The following NALF1 variants were observed in gnomAD, a reference collection of about 807,000 sequenced individuals.
NALF1 encodes the protein NALCN channel auxiliary factor 1, also known as family with sequence similarity 155 member A.
In NALF1, 3 loss-of-function variants were observed where a neutral mutation model predicts 48.4. The ratio of observed to expected loss-of-function variants is 0.06; its 90% confidence interval spans 0.03 to 0.16. NALF1 has a LOEUF of 0.16. NALF1 is among the 10% of genes least tolerant of loss of function. NALF1 has a pLI of 1.00. For synonymous variants in NALF1, 262 were observed against 245.7 expected, an observed-to-expected ratio of 1.07 and a Z score of -0.62; for missense variants, 526 against 571.5, an observed-to-expected ratio of 0.92 and a Z score of 0.81.
chr13:107,225,868 A>G (rs988958489), intron 1 of NALF1, among the ~76,000 whole-genome samples: 12 of 152,028 alleles, frequency 7.9e-5, no homozygotes, highest in Admixed American at 6.6e-4. Context: ...CTTTCCATAC[A>G]TTAGGTCAGA....
At chr13:107,769,892 CA>C (rs1271382454) in intron 1 of NALF1, among the ~76,000 whole-genome samples, 1 of 151,488 alleles carries the variant, frequency 6.6e-6, no homozygotes, top group Admixed American at 6.6e-5. Flanking sequence ...CTTCAAAATT[CA>C]ATTTTTTTTG....
chr13:107,632,102 A>G (rs998630679), intron 1 of NALF1, among the ~76,000 whole-genome samples: 1 of 152,180 alleles, frequency 6.6e-6, no homozygotes, highest in African/African-American at 2.4e-5. Context: ...ATCTTTGCAT[A>G]TGCTATTTAA....
chr13:107,238,026 A>G (rs1187631241), intron 1 of NALF1, among the ~76,000 whole-genome samples: 3 of 152,206 alleles, frequency 2.0e-5, no homozygotes, highest in Non-Finnish European at 4.4e-5. Flanking sequence ...CACATAAACC[A>G]TGATGATGAA....
At chr13:107,452,524 T>C (rs1040234795) in intron 1 of NALF1, among the ~76,000 whole-genome samples, 3 of 152,152 alleles carry the variant, frequency 2.0e-5, no homozygotes, top group African/African-American at 7.2e-5. Context: ...GGTAACCATC[T>C]TCATGATTAA....
At chr13:107,807,228 T>G (rs1878821976) in intron 1 of NALF1, among the ~76,000 whole-genome samples, 1 of 152,178 alleles carries the variant, frequency 6.6e-6, no homozygotes, top group Non-Finnish European at 1.5e-5. Flanking sequence ...TGCAAAATAT[T>G]ATTTTCAATA....
At chr13:107,196,070 T>C (rs1879384659) in intron 2 of NALF1, among the ~76,000 whole-genome samples, 1 of 152,192 alleles carries the variant, frequency 6.6e-6, no homozygotes, top group South Asian at 2.1e-4. Context: ...AAATACTGCA[T>C]GTTCACGCTT....
At chr13:107,229,889 T>C (rs908924604) in intron 1 of NALF1, among the ~76,000 whole-genome samples, 9 of 152,146 alleles carry the variant, frequency 5.9e-5, no homozygotes, top group East Asian at 1.9e-4. Context: ...CTGGATTCCA[T>C]AGGAAGCTTC....
chr13:107,654,254 C>A (rs925982059), intron 1 of NALF1, among the ~76,000 whole-genome samples: 1 of 152,102 alleles, frequency 6.6e-6, no homozygotes, highest in Non-Finnish European at 1.5e-5. Context: ...ACTGTAAACA[C>A]CTTTATGTGC....
intron 1 of NALF1, among the ~76,000 whole-genome samples, chr13:107,696,549 T>TGA (rs1881703647): frequency 1.2e-5 from 1 of 80,352 alleles, no homozygotes; most frequent in East Asian, 5.7e-4. Context: ...ATCTCCAAGT[T>TGA]GAGTGTGTGT....
chr13:107,596,154 T>A (rs947479831), intron 1 of NALF1, among the ~76,000 whole-genome samples: 2 of 152,032 alleles, frequency 1.3e-5, no homozygotes, highest in African/African-American at 2.4e-5. Context: ...AATCTTGCAA[T>A]ATTAAGGTCT....
intron 1 of NALF1, among the ~76,000 whole-genome samples, chr13:107,727,062 G>A (rs1876178681): frequency 1.3e-5 from 2 of 151,674 alleles, no homozygotes; most frequent in African/African-American, 4.8e-5. Flanking sequence ...CTCCCTCCTT[G>A]GCCTCCCAAA....
intron 1 of NALF1, among the ~76,000 whole-genome samples, chr13:107,777,608 C>T (rs1006220444): frequency 6.6e-5 from 10 of 152,182 alleles, no homozygotes; most frequent in African/African-American, 2.2e-4. Flanking sequence ...GCTCCAGCTT[C>T]TGCCTAATTG....
chr13:107,818,073 G>A (rs184727238), intron 1 of NALF1, among the ~76,000 whole-genome samples: 10 of 152,210 alleles, frequency 6.6e-5, no homozygotes, highest in Admixed American at 1.3e-4. Context: ...CAGGTCATAC[G>A]GTAACCAATG....
At chr13:107,391,540 T>C (rs1023522846) in intron 1 of NALF1, among the ~76,000 whole-genome samples, 2 of 152,134 alleles carry the variant, frequency 1.3e-5, no homozygotes, top group South Asian at 4.1e-4. Flanking sequence ...GATAATCAAC[T>C]AAGAGCCAGG....
At chr13:107,586,117 A>C (rs898588854) in intron 1 of NALF1, among the ~76,000 whole-genome samples, 7 of 152,104 alleles carry the variant, frequency 4.6e-5, no homozygotes, top group Admixed American at 1.3e-4. Context: ...AGAAAAATGG[A>C]AAGAAAGGGA....
chr13:107,610,563 T>C (rs866939352), intron 1 of NALF1, among the ~76,000 whole-genome samples: 19 of 152,170 alleles, frequency 1.2e-4, no homozygotes, highest in African/African-American at 4.3e-4. Context: ...TGTTTGAAAA[T>C]TGTACTAGGA....
At chr13:107,487,470 G>T (rs1885347762) in intron 1 of NALF1, among the ~76,000 whole-genome samples, 1 of 152,152 alleles carries the variant, frequency 6.6e-6, no homozygotes, top group Non-Finnish European at 1.5e-5. Context: ...ATACATTAGG[G>T]TGTGCACCAC....
intron 1 of NALF1, among the ~76,000 whole-genome samples, chr13:107,552,612 C>G (rs199640411): frequency 6.6e-6 from 1 of 152,118 alleles, no homozygotes; most frequent in Non-Finnish European, 1.5e-5. Flanking sequence ...ACAGGCACCA[C>G]GGAGTCCCCA....
At chr13:107,473,082 G>A (rs142306960) in intron 1 of NALF1, among the ~76,000 whole-genome samples, 10 of 152,192 alleles carry the variant, frequency 6.6e-5, no homozygotes, top group African/African-American at 1.2e-4. Context: ...GGATCAGTTC[G>A]AACACAGCAT....
Sources: gnomAD v4.1 joint callset for allele counts (sites outside exome capture counted in the v4.1 genomes callset) on GRCh38, gnomAD v4.1.1 for gene constraint, MANE v1.5 for transcripts, NCBI Gene and HGNC (gene_info 2026-07-23, HGNC 2026-07-21) for gene names.